The following HOOK2 variants were observed in gnomAD, a reference collection of about 807,000 sequenced individuals.
The protein encoded by HOOK2 is hook microtubule tethering protein 2, also known as protein Hook homolog 2.
Under a neutral mutation model 111.9 loss-of-function variants are expected in HOOK2, and 108 were observed. That is an observed-to-expected ratio of 0.96 (90% CI 0.83 to 1.13). HOOK2 has a LOEUF of 1.13. HOOK2 is among the 50% of genes most tolerant of loss of function. The probability of loss-of-function intolerance (pLI) is 0.00; values close to 1 mark genes in which losing one functional copy is unlikely to be tolerated. For synonymous variants in HOOK2, 405 were observed against 394.3 expected, an observed-to-expected ratio of 1.03 and a Z score of -0.32; for missense variants, 978 against 951.3, an observed-to-expected ratio of 1.03 and a Z score of -0.37.
At chr19:12,784,727 G>A (rs1236120161) in intron 3 of HOOK2, 1 of 152,402 alleles carries the variant, frequency 6.6e-6, no homozygotes, top group African/African-American at 2.4e-5. Context: ...AGAGCCACAC[G>A]AGAGATATGC....
chr19:12,785,370 A>G (rs1403317109), intron 3 of HOOK2, among the ~76,000 whole-genome samples: 1 of 151,942 alleles, frequency 6.6e-6, no homozygotes, highest in Non-Finnish European at 1.5e-5. Flanking sequence ...TTTCACACAC[A>G]CACAAATGCA....
chr19:12,785,979 G>C (rs1211228556), intron 3 of HOOK2, among the ~76,000 whole-genome samples: 3 of 152,126 alleles, frequency 2.0e-5, no homozygotes, highest in African/African-American at 7.2e-5. Flanking sequence ...GTCCCCCAAG[G>C]CTTCACCAGC....
In HOOK2 at chr19:12,791,475, G is replaced by C. The variant is rs1156240518; in HGVS notation, n.42-17250C>G. 2.9e-6 allele frequency: 1 copy of C among 343,798 alleles called. No homozygotes were observed. Among genetic ancestry groups the C allele is most frequent in the East Asian group, 5.4e-5 (1 of 18,642 alleles). The allele number at this position is 343,798 out of a possible 1,614,324, so 21.3% of individuals were successfully genotyped here. On this transcript the variant is annotated intron_variant and non_coding_transcript_variant, in intron 3 of 3. Transcript: ENST00000589765. The surrounding 1 kb of genome is among the most constrained non-coding windows in gnomAD (Gnocchi z 7.0). ...CGCGGTATAAAGGCGTGTGGCTCAG[G>C]CTGAGCGGCTGGGACCTTGAGAGCG... is the stretch of plus-strand genomic sequence containing the variant.
intron 3 of HOOK2, among the ~76,000 whole-genome samples, chr19:12,789,791 G>A (rs1179085308): frequency 6.6e-6 from 1 of 151,388 alleles, no homozygotes; most frequent in Non-Finnish European, 1.5e-5. Flanking sequence ...GGGCGGGGCC[G>A]GGCCAGGCGG....
upstream of HOOK2, among the ~76,000 whole-genome samples, chr19:12,780,277 T>C (rs1968585951): frequency 6.6e-6 from 1 of 152,134 alleles, no homozygotes; most frequent in Non-Finnish European, 1.5e-5. Flanking sequence ...TCCAATTGCA[T>C]CTTCATGTGT....
Position 12,771,395 on chromosome 19 carries a change from A to G in HOOK2, c.600+2T>C, listed in dbSNP as rs773043881. 1.7e-5 allele frequency: 28 copies of G among 1,610,042 alleles called. No homozygotes were observed. The highest frequency in any genetic ancestry group is 2.3e-5 in the Non-Finnish European group (27 of 1,178,390). On this transcript the variant is annotated splice_donor_variant, in intron 8 of 22. Transcript: ENST00000397668. LOFTEE classifies it high-confidence loss of function. Reference sequence around the variant, plus strand: ...GTGACCCTGCCCCACCTAGGGCCCTACCTGCCGCTCCAGATCCAGACAGCG... The same window carrying G: ...GTGACCCTGCCCCACCTAGGGCCCTGCCTGCCGCTCCAGATCCAGACAGCG...
intron 14 of HOOK2, chr19:12,766,628 G>C (rs1487627507): frequency 5.1e-6 from 1 of 197,304 alleles, no homozygotes; most frequent in Non-Finnish European, 1.0e-5. Flanking sequence ...CTGTCGCCCA[G>C]GCTGGAATAC....
At chr19:12,767,127 C>T (rs1359445741) in intron 14 of HOOK2, among the ~76,000 whole-genome samples, 2 of 152,112 alleles carry the variant, frequency 1.3e-5, no homozygotes, top group East Asian at 3.9e-4. Context: ...TCAAAGTCAG[C>T]GGGGCTAGGG....
In HOOK2 at chr19:12,786,348, A is replaced by G. The variant is rs540397893; in HGVS notation, n.42-12123T>C. The stretch of plus-strand genomic sequence containing the variant: ...TTTCCTAGTGAGGGCCCCACTGGTC[A>G]GTGGGGCCAGCAGGGAGGGGGGTCA... On this transcript the variant is annotated intron_variant and non_coding_transcript_variant, in intron 3 of 3. Coordinates refer to the HOOK2 transcript ENST00000589765. This position sits in a 1 kb window ranked among gnomAD's most constrained non-coding sequence, Gnocchi z 4.3. Among the ~76,000 whole-genome samples the G allele has an allele frequency of 6.6e-6, 1 of 152,108 alleles. No individual in the cohort carries two copies. The highest frequency in any genetic ancestry group is 6.5e-5 in the Admixed American group (1 of 15,300).
At chr19:12,782,861 A>C (rs1273966587), upstream of HOOK2, among the ~76,000 whole-genome samples, 2 of 145,474 alleles carry the variant, frequency 1.4e-5, no homozygotes, top group African/African-American at 5.2e-5. Flanking sequence ...CTGTTGGGGG[A>C]GGGACCTTTC....
Position 12,790,317 on chromosome 19 carries a change from C to T in HOOK2, n.42-16092G>A, listed in dbSNP as rs1321297379. Among the ~76,000 whole-genome samples the T allele has an allele frequency of 6.6e-6, 1 of 152,212 alleles. No homozygotes were observed. Among genetic ancestry groups the T allele is most frequent in the African/African-American group, 2.4e-5 (1 of 41,456 alleles). On this transcript the variant is annotated intron_variant and non_coding_transcript_variant, in intron 3 of 3. Transcript: ENST00000589765. The surrounding 1 kb of genome is among the most constrained non-coding windows in gnomAD (Gnocchi z 7.2). ...CGGAGACAGGGCCGGGCTCCTTCCC[C>T]CGGGGCTGTTGCCACACTTCCTGCC... is the stretch of plus-strand genomic sequence containing the variant.
upstream of HOOK2, among the ~76,000 whole-genome samples, chr19:12,775,873 C>CTTTTTTTTTTTT (rs775787302): frequency 6.7e-5 from 7 of 103,848 alleles, no homozygotes; most frequent in African/African-American, 3.3e-4. Context: ...TAAGTAAATT[C>CTTTTTTTTTTTT]TTTTTTTTTT....
intron 3 of HOOK2, chr19:12,792,172 G>T: frequency 6.3e-7 from 1 of 1,590,296 alleles, no homozygotes; most frequent in African/African-American, 1.3e-5. Context: ...GAGCAGGAGG[G>T]CTTCGCCGAC....
At position 12,766,157 on chromosome 19, in the gene HOOK2, T is replaced by A. The variant is rs1317876805; in HGVS notation, c.1457A>T (p.Gln486Leu). The change falls in exon 15 of 23, where the codon CAG becomes CTG. Residue 486 changes from glutamine (Q) to leucine (L), a missense_variant. Gln to Leu is a moderately radical substitution (Grantham distance 113). This residue lies in a region of HOOK2 where 388 missense variants were observed against 358.3 expected (regional missense o/e 1.08). Coordinates refer to ENST00000397668, the MANE Select transcript of HOOK2 (RefSeq NM_013312.3). ...AADRERQEEL[Q>L]RHLEDANRAR... ...GCGGTTGGCATCCTCCAGGTGGCGC[T>A]GCAGCTCCTCCTGCCGCTCCCGGTC... 1.3e-6 allele frequency: 2 copies of A among 1,599,132 alleles called. No individual in the cohort carries two copies. Among genetic ancestry groups the A allele is most frequent in the African/African-American group, 2.7e-5 (2 of 74,816 alleles).
chr19:12,784,578 C>T lies in HOOK2; in HGVS notation n.42-10353G>A, dbSNP rs1183173918. 2.6e-5 allele frequency: 4 copies of T among 152,360 alleles called. No homozygotes were observed. The East Asian group carries it at 5.8e-4, about 22-fold the overall frequency. 9.4% of individuals were successfully genotyped at this position (152,360 alleles called of 1,614,324 possible). On this transcript the variant is annotated intron_variant and non_coding_transcript_variant, in intron 3 of 3. Transcript: ENST00000589765. ...GCACACAGCAAGGCAGACACAATGGCGTGTGACACACATGGAGACAAACAC... is the reference window on the plus strand; with the variant it reads ...GCACACAGCAAGGCAGACACAATGGTGTGTGACACACATGGAGACAAACAC...
Position 12,791,472 on chromosome 19 carries a change from C to G in HOOK2, n.42-17247G>C. The G allele has an allele frequency of 3.0e-6, 1 of 337,112 alleles. No individual in the cohort carries two copies. Among genetic ancestry groups the G allele is most frequent in the Non-Finnish European group, 5.4e-6 (1 of 184,502 alleles). 20.9% of individuals were successfully genotyped at this position (337,112 alleles called of 1,614,324 possible). Reference sequence around the variant, plus strand: ...TAGCGCGGTATAAAGGCGTGTGGCTCAGGCTGAGCGGCTGGGACCTTGAGA... The same window carrying G: ...TAGCGCGGTATAAAGGCGTGTGGCTGAGGCTGAGCGGCTGGGACCTTGAGA... On this transcript the variant is annotated intron_variant and non_coding_transcript_variant, in intron 3 of 3. Transcript: ENST00000589765. The surrounding 1 kb of genome is among the most constrained non-coding windows in gnomAD (Gnocchi z 7.0).
At position 12,769,873 on chromosome 19, in the gene HOOK2, C is replaced by G. The variant is rs748260013; in HGVS notation, c.1104+8G>C. On this transcript the variant is annotated splice_region_variant and intron_variant, in intron 11 of 22. Coordinates refer to ENST00000397668, the MANE Select transcript of HOOK2 (RefSeq NM_013312.3). ...GGGGCCCCGGCCCTAACCCCGCCCC[C>G]GCCGCACCTGCCGCCGCTGCGCCTC... The G allele has an allele frequency of 1.7e-5, 25 of 1,433,408 alleles. No homozygotes were observed. In the South Asian group the frequency reaches 3.6e-4, roughly 21 times the overall value. The allele number at this position is 1,433,408 out of a possible 1,614,324, so 88.8% of individuals were successfully genotyped here.
Position 12,791,691 on chromosome 19 carries a change from C to T in HOOK2, n.42-17466G>A, listed in dbSNP as rs962276586. The T allele has an allele frequency of 1.4e-5, 15 of 1,092,626 alleles. No homozygotes were observed. Among genetic ancestry groups the T allele is most frequent in the Non-Finnish European group, 1.9e-5 (15 of 778,532 alleles). 67.7% of individuals were successfully genotyped at this position (1,092,626 alleles called of 1,614,324 possible). On this transcript the variant is annotated intron_variant and non_coding_transcript_variant, in intron 3 of 3. Transcript: ENST00000589765. The surrounding 1 kb of genome is among the most constrained non-coding windows in gnomAD (Gnocchi z 7.0). ...GACCAGGCACCCAGTCCGGTCACCG[C>T]AGCGGAGAGCTCGCCGCTCGCTGCA...
upstream of HOOK2, among the ~76,000 whole-genome samples, chr19:12,782,719 C>G (rs1339209690): frequency 6.6e-6 from 1 of 152,274 alleles, no homozygotes; most frequent in African/African-American, 2.4e-5. Flanking sequence ...AGCCCCGCCC[C>G]GGCCGGGACC....
Sources: gnomAD v4.1 joint callset for allele counts (sites outside exome capture counted in the v4.1 genomes callset) on GRCh38, gnomAD v4.1.1 for gene constraint, gnomAD v4.1.1 regional missense constraint, Gnocchi (gnomAD v3.1) non-coding constraint, MANE v1.5 for transcripts, NCBI Gene and HGNC (gene_info 2026-07-23, HGNC 2026-07-21) for gene names.